The following COL18A1 variants were observed in gnomAD, a reference collection of about 807,000 sequenced individuals.
The protein encoded by COL18A1 is collagen type XVIII alpha 1 chain, also known as collagen alpha-1(XVIII) chain.
A neutral mutation model predicts 168.0 loss-of-function variants in COL18A1; 133 were observed. That is an observed-to-expected ratio of 0.79 (90% CI 0.69 to 0.91). The LOEUF is 0.91. Among genes scored for constraint, COL18A1 ranks in the 40% least tolerant of loss-of-function variants. The pLI is 0.00. For synonymous variants in COL18A1, 949 were observed against 809.0 expected (o/e 1.17, Z -2.94); for missense variants, 2,126 against 1,925.4 (o/e 1.10, Z -1.95).
rs867028825 is a variant in COL18A1, at chr21:45,425,237, C to T, written c.106+19764C>T. Among the ~76,000 whole-genome samples, 36 of 152,176 alleles carry T rather than the reference C, an allele frequency of 2.4e-4. No homozygotes were observed. Among genetic ancestry groups the T allele is most frequent in the African/African-American group, 7.2e-4 (30 of 41,436 alleles). ...GTGTGTGCTGAGTGCAGTGTGACCG[C>T]GTCCGCCCGTCTCCCCGGACACGCC... is the stretch of plus-strand genomic sequence containing the variant. On this transcript the variant is annotated intron_variant, in intron 2 of 41. Coordinates refer to ENST00000651438, the MANE Select transcript of COL18A1 (RefSeq NM_001379500.1). The surrounding 1 kb of genome is among the most constrained non-coding windows in gnomAD (Gnocchi z 4.1).
intron 31 of COL18A1, 131 bp from the exon 32 acceptor site, chr21:45,497,468 A>C (rs1378650020): frequency 3.4e-5 from 43 of 1,268,850 alleles, no homozygotes; most frequent in Non-Finnish European, 4.8e-5. Flanking sequence ...TCCTACCCTG[A>C]CTGTCCCCAT....
chr21:45,491,393 C>CG (rs1555869241), intron 22 of COL18A1, 79 bp downstream of exon 22: 5 of 728,938 alleles, frequency 6.9e-6, no homozygotes, highest in Middle Eastern at 3.6e-4. Context: ...GAGCCCCCCC[C>CG]ACACCCCCAC....
Position 45,498,341 on chromosome 21 carries a change from C to T in COL18A1, c.2683+680C>T, listed in dbSNP as rs775087507. On this transcript the variant is annotated intron_variant, in intron 32 of 41. Coordinates refer to ENST00000651438, the MANE Select transcript of COL18A1 (RefSeq NM_001379500.1). This position sits in a 1 kb window ranked among gnomAD's most constrained non-coding sequence, Gnocchi z 4.5. The stretch of plus-strand genomic sequence containing the variant: ...TCCCCTCTCGCCGCCAGGGTCCCCT[C>T]TCACCGCCAGGGTTCCCTCTCGCCA... The T allele has an allele frequency of 2.2e-5, 14 of 630,224 alleles. No homozygotes were observed. The highest frequency in any genetic ancestry group is 1.3e-4 in the South Asian group (7 of 55,304). 39.0% of individuals were successfully genotyped at this position (630,224 alleles called of 1,614,324 possible). A position where few individuals can be genotyped will look rare whatever the true frequency, so the allele number is the denominator to read the frequency against.
intron 38 of COL18A1, among the ~76,000 whole-genome samples, chr21:45,508,829 G>A (rs2037404920): frequency 6.6e-6 from 1 of 152,190 alleles, no homozygotes; most frequent in South Asian, 2.1e-4. Flanking sequence ...AGCAGACAGT[G>A]GGGACAGCCA....
At position 45,409,791 on chromosome 21, in the gene COL18A1, C is replaced by T. The variant is rs191983162; in HGVS notation, c.106+4318C>T. Among the ~76,000 whole-genome samples the T allele has an allele frequency of 2.2e-3, 330 of 152,324 alleles. 1 individual carries two copies. Among genetic ancestry groups the T allele is most frequent in the Non-Finnish European group, 3.5e-3 (240 of 68,016 alleles). ...CTGCTTCCTCTAGGGGTTCTGTGAG[C>T]GGCCGCTGGCAATTGTGTAAAAGCC... On this transcript the variant is annotated intron_variant, in intron 2 of 41. Transcript: ENST00000651438.
chr21:45,487,523 C>T lies in COL18A1; in HGVS notation c.1896+14C>T, dbSNP rs1158872213. On this transcript the variant is annotated intron_variant, in intron 17 of 41. Coordinates refer to ENST00000651438, the MANE Select transcript of COL18A1 (RefSeq NM_001379500.1). The stretch of plus-strand genomic sequence containing the variant: ...GATGGGCCACAGGTAGTGTTGTGAG[C>T]TGGGCGTGGCCGGCTCTGAGGGGTA... The T allele has an allele frequency of 1.2e-6, 2 of 1,612,316 alleles. No individual in the cohort carries two copies. The highest frequency in any genetic ancestry group is 1.7e-6 in the Non-Finnish European group (2 of 1,179,976).
chr21:45,460,612 T>C lies in COL18A1; in HGVS notation c.107-7630T>C, dbSNP rs541022159. ...GTGTCCTTATATGGTGCTTACCTCT[T>C]GCTCCTTTAGTCAAATGCAGAATTT... On this transcript the variant is annotated intron_variant, in intron 2 of 41. Coordinates refer to ENST00000651438, the MANE Select transcript of COL18A1 (RefSeq NM_001379500.1). Among the ~76,000 whole-genome samples the C allele has an allele frequency of 2.6e-5, 4 of 152,382 alleles. No homozygotes were observed. In the East Asian group the frequency reaches 7.7e-4, roughly 29 times the overall value.
At chr21:45,450,771 T>C (rs554602302) in intron 2 of COL18A1, among the ~76,000 whole-genome samples, 1 of 152,302 alleles carries the variant, frequency 6.6e-6, no homozygotes, top group South Asian at 2.1e-4. Flanking sequence ...AGCCAGTGCA[T>C]GTGACCTCCC....
chr21:45,499,575 T>C (rs925694805), intron 32 of COL18A1, among the ~76,000 whole-genome samples: 45 of 151,688 alleles, frequency 3.0e-4, no homozygotes, highest in African/African-American at 1.1e-3. Flanking sequence ...CCGCGTGGGC[T>C]GCCCCGCATG....
At chr21:45,449,084 G>A (rs1019366368) in intron 2 of COL18A1, among the ~76,000 whole-genome samples, 4 of 152,096 alleles carry the variant, frequency 2.6e-5, no homozygotes, top group African/African-American at 7.2e-5. Context: ...TTTTCCCTGC[G>A]GCGCTTTGAT....
Position 45,476,414 on chromosome 21 carries a change from G to A in COL18A1, c.862G>A (p.Gly288Ser), listed in dbSNP as rs2035654928. ...CGTCACCACGCCACCCTTGGCTGGA[G>A]GCAGCAGCACGGAAGATTCCAGAAG... ...PPVTTPPLAG[G>S]SSTEDSRSEE... Residue 288 changes from glycine to serine, a missense_variant, in exon 6 of 42, where the codon GGC becomes AGC. Coordinates refer to ENST00000651438, the MANE Select transcript of COL18A1 (RefSeq NM_001379500.1). 1.2e-6 allele frequency: 2 copies of A among 1,614,064 alleles called. No homozygotes were observed. Among genetic ancestry groups the A allele is most frequent in the South Asian group, 2.2e-5 (2 of 91,086 alleles).
chr21:45,481,411 G>A (rs2035889342), intron 13 of COL18A1, among the ~76,000 whole-genome samples: 1 of 152,216 alleles, frequency 6.6e-6, no homozygotes, highest in Non-Finnish European at 1.5e-5. Context: ...ATTGGGTCAT[G>A]CTGCACTGGC....
At chr21:45,511,852 G>A (rs78037609) in intron 41 of COL18A1, among the ~76,000 whole-genome samples, 5,270 of 152,276 alleles carry the variant, frequency 0.035, 235 homozygotes, top group African/African-American at 0.1. Flanking sequence ...CCAGGAGCCC[G>A]GGAGGCGGAG....
At chr21:45,506,487 G>A (rs1191675422) in intron 37 of COL18A1, 3 of 238,226 alleles carry the variant, frequency 1.3e-5, no homozygotes, top group Non-Finnish European at 1.7e-5. Context: ...CCCCTTCCAG[G>A]ACAGGCCAGC....
chr21:45,411,463 C>T (rs374353630), intron 2 of COL18A1, among the ~76,000 whole-genome samples: 8 of 152,208 alleles, frequency 5.3e-5, no homozygotes, highest in East Asian at 1.9e-4. Context: ...CTTCTGTGTG[C>T]GAGAGGCCGT....
chr21:45,495,580 C>A, intron 29 of COL18A1, 148 bp downstream of exon 29: 1 of 683,430 alleles, frequency 1.5e-6, no homozygotes, highest in South Asian at 1.6e-5. Context: ...CATGCCATAC[C>A]CATGCACAGT....
intron 2 of COL18A1, among the ~76,000 whole-genome samples, chr21:45,439,222 C>T (rs947316657): frequency 2.6e-5 from 4 of 152,226 alleles, no homozygotes; most frequent in African/African-American, 7.2e-5. Context: ...CAACAGAACA[C>T]AGTGGGAGGG....
intron 29 of COL18A1, chr21:45,495,703 C>G (rs910736671): frequency 2.1e-5 from 9 of 426,480 alleles, no homozygotes; most frequent in Admixed American, 1.1e-4. Flanking sequence ...TGCCCATACA[C>G]ACGCGCACAC....
intron 2 of COL18A1, among the ~76,000 whole-genome samples, chr21:45,430,134 G>T (rs1478969961): frequency 6.7e-6 from 1 of 149,146 alleles, no homozygotes; most frequent in East Asian, 2.0e-4. Context: ...TCTCCCTAGC[G>T]CCCTCTCGCC....
Sources: gnomAD v4.1 joint callset for allele counts (sites outside exome capture counted in the v4.1 genomes callset) on GRCh38, gnomAD v4.1.1 for gene constraint, Gnocchi (gnomAD v3.1) non-coding constraint, MANE v1.5 for transcripts, NCBI Gene and HGNC (gene_info 2026-07-23, HGNC 2026-07-21) for gene names.